ZBTB44: variants seen among roughly 807,000 people sequenced by gnomAD.
The protein encoded by ZBTB44 is zinc finger and BTB domain containing 44.
ZBTB44 carries 15 observed loss-of-function variants against 54.0 expected under a neutral mutation model. That is an observed-to-expected ratio of 0.28 (90% CI 0.19 to 0.43). ZBTB44 has a LOEUF of 0.43. Among genes scored for constraint, ZBTB44 ranks in the 20% least tolerant of loss-of-function variants. ZBTB44 has a pLI of 1.00. For synonymous variants in ZBTB44, 230 were observed against 250.1 expected (o/e 0.92, Z 0.76); for missense variants, 487 against 707.1 (o/e 0.69, Z 3.53).
intron 1 of ZBTB44, among the ~76,000 whole-genome samples, chr11:130,284,181 A>G (rs1017586032): frequency 6.6e-6 from 1 of 152,132 alleles, no homozygotes; most frequent in Non-Finnish European, 1.5e-5. Flanking sequence ...TTCACATTTA[A>G]TATTAGAATT....
chr11:130,242,133 T>C (rs1364023509), intron 2 of ZBTB44, among the ~76,000 whole-genome samples: 4 of 152,358 alleles, frequency 2.6e-5, no homozygotes, highest in Admixed American at 2.0e-4. Context: ...CAAGTGGAAA[T>C]AAATATTCCA....
intron 1 of ZBTB44, among the ~76,000 whole-genome samples, chr11:130,306,780 G>A (rs1199160287): frequency 3.9e-5 from 6 of 152,104 alleles, no homozygotes; most frequent in African/African-American, 1.4e-4. Context: ...TCTAAGTGAA[G>A]TAACTCAGGA....
rs112723247 is a variant in ZBTB44, at chr11:130,279,660, A to AAACCAACCAACCAACCAACC, written c.-56-17751_-56-17732dup. 2.8e-3 allele frequency among the ~76,000 whole-genome samples: 418 copies of AAACCAACCAACCAACCAACC among 151,788 alleles called. 3 individuals are homozygous for AAACCAACCAACCAACCAACC. The highest frequency in any genetic ancestry group is 8.5e-3 in the African/African-American group (349 of 41,236). On this transcript the variant is annotated intron_variant, in intron 1 of 7. Coordinates refer to ENST00000357899, the MANE Select transcript of ZBTB44 (RefSeq NM_001301098.2). ...GACAACAGAGCGAGACTCTGTCTCA[A>AAACCAACCAACCAACCAACC]AACCAACCAACCAACCAACCAACCA...
intron 1 of ZBTB44, among the ~76,000 whole-genome samples, chr11:130,307,481 A>G (rs1226408949): frequency 1.3e-5 from 2 of 152,072 alleles, no homozygotes; most frequent in Admixed American, 6.6e-5. Flanking sequence ...TCCATCCATC[A>G]ATCCATCTTG....
chr11:130,228,179 A>G lies in ZBTB44; in HGVS notation c.*3585T>C, dbSNP rs1953754069. ...GGCACCAGTAAACAACAGAAACATT[A>G]AATACATTATTGGGAACTTGGACCA... is the stretch of plus-strand genomic sequence containing the variant. On this transcript the variant is annotated 3_prime_UTR_variant, in exon 8 of 8. Transcript: ENST00000357899. The G allele has an allele frequency of 6.6e-6, 1 of 152,216 alleles. No individual in the cohort carries two copies. 9.4% of individuals were successfully genotyped at this position (152,216 alleles called of 1,614,324 possible). A position where few individuals can be genotyped will look rare whatever the true frequency, so the allele number is the denominator to read the frequency against.
At chr11:130,257,491 G>A (rs1324957366) in intron 2 of ZBTB44, among the ~76,000 whole-genome samples, 1 of 152,128 alleles carries the variant, frequency 6.6e-6, no homozygotes, top group Admixed American at 6.5e-5. Flanking sequence ...TCATATACTG[G>A]AGCTACAAGC....
chr11:130,276,172 G>T (rs534330962), intron 1 of ZBTB44, among the ~76,000 whole-genome samples: 54 of 134,028 alleles, frequency 4.0e-4, no homozygotes, highest in Admixed American at 3.0e-3. Flanking sequence ...GTTGCAGTGA[G>T]CTGAGATCAC....
intron 7 of ZBTB44, chr11:130,232,587 C>T (rs1241141666): frequency 6.6e-6 from 1 of 152,170 alleles, no homozygotes; most frequent in Non-Finnish European, 1.5e-5. Context: ...ACAGTCTATA[C>T]TCTTCATTGT....
At chr11:130,239,406 C>T (rs12787328) in intron 3 of ZBTB44, 20,086 of 170,302 alleles carry the variant, frequency 0.12, 1,392 homozygotes, top group African/African-American at 0.2. Context: ...CACAGCAGTC[C>T]GTACAGCACA....
rs749935806 is a variant in ZBTB44, at chr11:130,238,426, C to G, written c.1267+18G>C. On this transcript the variant is annotated intron_variant, in intron 4 of 7. Coordinates refer to ENST00000357899, the MANE Select transcript of ZBTB44 (RefSeq NM_001301098.2). The stretch of plus-strand genomic sequence containing the variant: ...TTTAGAGCGTTCACTTACGCACCAA[C>G]AGGGAAGGTGACATTACCTGAGTGG... 1 of 1,597,222 alleles carries G rather than the reference C, an allele frequency of 6.3e-7. No homozygotes were observed. The highest frequency in any genetic ancestry group is 1.3e-5 in the African/African-American group (1 of 74,590).
In ZBTB44 at chr11:130,305,709, A is replaced by G. The variant is rs575901124; in HGVS notation, c.-57+8666T>C. 7.9e-5 allele frequency among the ~76,000 whole-genome samples: 12 copies of G among 152,366 alleles called. No individual in the cohort carries two copies. The East Asian group carries it at 2.3e-3, about 29-fold the overall frequency. On this transcript the variant is annotated intron_variant, in intron 1 of 7. Coordinates refer to ENST00000357899, the MANE Select transcript of ZBTB44 (RefSeq NM_001301098.2). Reference sequence around the variant, plus strand: ...AGACATTAGCTTAGGCAAAGAATTCATGACCAAAAAACCAAAAGCGAATGC... The same window carrying G: ...AGACATTAGCTTAGGCAAAGAATTCGTGACCAAAAAACCAAAAGCGAATGC...
At chr11:130,283,510 C>T (rs1470663421) in intron 1 of ZBTB44, among the ~76,000 whole-genome samples, 1 of 152,142 alleles carries the variant, frequency 6.6e-6, no homozygotes, top group Admixed American at 6.5e-5. Context: ...TTTATTTTGG[C>T]ATGATCACTG....
At chr11:130,244,392 G>C (rs562544314) in intron 2 of ZBTB44, among the ~76,000 whole-genome samples, 1 of 152,254 alleles carries the variant, frequency 6.6e-6, no homozygotes, top group South Asian at 2.1e-4. Context: ...ATGTGGCCGG[G>C]TGCAGTGGCT....
rs187420112 is a variant in ZBTB44, at chr11:130,253,407, C to T, written c.1018+7449G>A. Among the ~76,000 whole-genome samples the T allele has an allele frequency of 5.2e-3, 795 of 152,300 alleles. 4 individuals carry two copies. Among genetic ancestry groups the T allele is most frequent in the African/African-American group, 0.019 (773 of 41,566 alleles). On this transcript the variant is annotated intron_variant, in intron 2 of 7. Coordinates refer to ENST00000357899, the MANE Select transcript of ZBTB44 (RefSeq NM_001301098.2). Reference sequence around the variant, plus strand: ...AAAATCAATGTGCAAAAATCACAAGCATTCTTATATACCAATAACAGAGAA... The same window carrying T: ...AAAATCAATGTGCAAAAATCACAAGTATTCTTATATACCAATAACAGAGAA...
chr11:130,277,207 G>T (rs973762228), intron 1 of ZBTB44, among the ~76,000 whole-genome samples: 1 of 152,158 alleles, frequency 6.6e-6, no homozygotes, highest in Admixed American at 6.5e-5. Flanking sequence ...TATTCCTTTA[G>T]TGCTTACTTT....
chr11:130,226,981 CAT>C lies in ZBTB44; in HGVS notation c.*4781_*4782del, dbSNP rs1953714669. 1 of 152,004 alleles carries C rather than the reference CAT, an allele frequency of 6.6e-6. No homozygotes were observed. Among genetic ancestry groups the C allele is most frequent in the South Asian group, 2.1e-4 (1 of 4,818 alleles). The allele number at this position is 152,004 out of a possible 1,614,324, so 9.4% of individuals were successfully genotyped here. ...AACTATACAGAATATATACAATACA[CAT>C]GTTCACAAAGCAAACACTATAGGCT... On this transcript the variant is annotated 3_prime_UTR_variant, in exon 8 of 8. Transcript: ENST00000357899.
intron 1 of ZBTB44, among the ~76,000 whole-genome samples, chr11:130,313,962 A>ATTT (rs1251130348): frequency 3.7e-5 from 5 of 133,782 alleles, no homozygotes; most frequent in African/African-American, 1.4e-4. Context: ...ATATATATAT[A>ATTT]TATATTTTTT....
At chr11:130,244,001 CATT>C (rs1213788998) in intron 2 of ZBTB44, among the ~76,000 whole-genome samples, 4 of 152,124 alleles carry the variant, frequency 2.6e-5, no homozygotes, top group Non-Finnish European at 4.4e-5. Context: ...CTTTCAGTTT[CATT>C]TCTCCTGCTC....
intron 1 of ZBTB44, among the ~76,000 whole-genome samples, chr11:130,270,820 G>T (rs1043744400): frequency 1.3e-5 from 2 of 152,162 alleles, no homozygotes; most frequent in African/African-American, 4.8e-5. Context: ...GGAAAGAAAT[G>T]TTTCAATTTT....
Sources: allele counts gnomAD v4.1 joint callset (sites outside exome capture counted in the v4.1 genomes callset), GRCh38; gene constraint gnomAD v4.1.1; transcripts MANE v1.5; gene names NCBI Gene and HGNC (gene_info 2026-07-23, HGNC 2026-07-21).